The following SSPN variants were observed in gnomAD, a reference collection of about 807,000 sequenced individuals.
SSPN encodes the protein sarcospan, also known as K-ras oncogene-associated protein.
SSPN carries 15 observed loss-of-function variants against 19.1 expected under a neutral mutation model. The ratio of observed to expected loss-of-function variants is 0.78; its 90% CI spans 0.52 to 1.21. The LOEUF (loss-of-function observed/expected upper bound fraction) is 1.21, where lower values mean the gene tolerates loss of function less well. SSPN is among the 50% of genes most tolerant of loss of function. SSPN has a pLI of 0.00. For missense variants in SSPN, 291 were observed against 314.0 expected, an observed-to-expected ratio of 0.93 and a Z score of 0.55; for synonymous variants, 147 against 140.3, an observed-to-expected ratio of 1.05 and a Z score of -0.34.
intron 2 of SSPN, among the ~76,000 whole-genome samples, chr12:26,228,703 TC>T (rs1157064409): frequency 2.0e-5 from 3 of 152,114 alleles, no homozygotes; most frequent in Non-Finnish European, 2.9e-5. Context: ...TTAATTTGGC[TC>T]TTGGCACCAA....
intron 1 of SSPN, among the ~76,000 whole-genome samples, chr12:26,203,488 A>G (rs951832181): frequency 2.0e-5 from 3 of 152,178 alleles, no homozygotes; most frequent in Non-Finnish European, 4.4e-5. Flanking sequence ...AGCATAAGCT[A>G]TATAAAAACC....
Position 26,232,897 on chromosome 12 carries a change from A to C in SSPN, c.*1821A>C, listed in dbSNP as rs1945248329. 1 of 158,308 alleles carries C rather than the reference A, an allele frequency of 6.3e-6. No individual in the cohort carries two copies. Among genetic ancestry groups the C allele is most frequent in the South Asian group, 2.1e-4 (1 of 4,824 alleles). The allele number at this position is 158,308 out of a possible 1,614,324, so 9.8% of individuals were successfully genotyped here. A position where few individuals can be genotyped will look rare whatever the true frequency, so the allele number is the denominator to read the frequency against. On this transcript the variant is annotated 3_prime_UTR_variant, in exon 3 of 3. Coordinates refer to ENST00000242729, the MANE Select transcript of SSPN (RefSeq NM_005086.5). The stretch of plus-strand genomic sequence containing the variant: ...AAGTTACACCAACAGAATACCAAGC[A>C]GAATGATGAGGACCTGTAAAATACC...
intron 1 of SSPN, among the ~76,000 whole-genome samples, chr12:26,140,554 G>A (rs1191644021): frequency 6.6e-6 from 1 of 152,194 alleles, no homozygotes; most frequent in Non-Finnish European, 1.5e-5. Context: ...TGGAAAAGGG[G>A]CCGCGGGGGA....
At chr12:26,200,614 G>A (rs539985080) in intron 1 of SSPN, among the ~76,000 whole-genome samples, 5 of 152,230 alleles carry the variant, frequency 3.3e-5, no homozygotes, top group Non-Finnish European at 5.9e-5. Context: ...AAGAGAGAAA[G>A]GTTTGGCATT....
intron 1 of SSPN, among the ~76,000 whole-genome samples, chr12:26,167,657 ACTCT>A (rs764204661): frequency 2.0e-5 from 3 of 151,584 alleles, no homozygotes; most frequent in Non-Finnish European, 2.9e-5. Context: ...GTAGACCGCA[ACTCT>A]CTCTCTCTCT....
At chr12:26,125,118 GGGGCGGGGGAGGAGGGGCCGGGCC>G in intron 1 of SSPN, 1 of 432,524 alleles carries the variant, frequency 2.3e-6, no homozygotes, top group African/African-American at 2.0e-5. Context: ...AGCCCGGAGG[GGGGCGGGGGAGGAGGGGCCGGGCC>G]GGGCGGGGGC....
chr12:26,206,401 C>G (rs894526594), intron 1 of SSPN, among the ~76,000 whole-genome samples: 3 of 152,188 alleles, frequency 2.0e-5, no homozygotes, highest in Non-Finnish European at 4.4e-5. Context: ...CATTTACAAT[C>G]CCATTCCAAT....
Position 26,122,200 on chromosome 12 carries a change from CCACCTCGTGCGG to C in SSPN, c.-31+51_-31+62del, listed in dbSNP as rs1944312976. 7.2e-6 allele frequency: 10 copies of C among 1,395,066 alleles called. No individual in the cohort carries two copies. In the South Asian group the frequency reaches 1.7e-4, roughly 23 times the overall value. The allele number at this position is 1,395,066 out of a possible 1,614,324, so 86.4% of individuals were successfully genotyped here. ...TGGGGGTGCGGCGCCCCAAGGGGCG[CCACCTCGTGCGG>C]CAGGAGGGTCGCGGCGGCGGCGCCC... On this transcript the variant is annotated intron_variant, in intron 1 of 2. Coordinates refer to the SSPN transcript ENST00000538142.
At chr12:26,122,035 C>T in exon 1 of SSPN, 1 of 1,548,574 alleles carries the variant, frequency 6.5e-7, no homozygotes, top group South Asian at 1.2e-5. Flanking sequence ...TCTCACTCTG[C>T]TTGAACCTCC....
rs1034704431 is a variant in SSPN, at chr12:26,231,254, T to C, written c.*178T>C. ...ATTTCTTCAGGTTTCTATTGTATTT[T>C]TTTTAACATTCTTGCAGAGAAAGCA... is the stretch of plus-strand genomic sequence containing the variant. On this transcript the variant is annotated 3_prime_UTR_variant, in exon 3 of 3. Coordinates refer to ENST00000242729, the MANE Select transcript of SSPN (RefSeq NM_005086.5). The C allele has an allele frequency of 9.8e-7, 1 of 1,018,560 alleles. No individual in the cohort carries two copies. 63.1% of individuals were successfully genotyped at this position (1,018,560 alleles called of 1,614,324 possible).
At chr12:26,135,764 A>G (rs1334166194) in intron 1 of SSPN, among the ~76,000 whole-genome samples, 3 of 152,198 alleles carry the variant, frequency 2.0e-5, no homozygotes, top group Non-Finnish European at 4.4e-5. Flanking sequence ...GGTGACCACA[A>G]GCCATCAGCA....
chr12:26,139,925 A>G (rs1249356073), intron 1 of SSPN, among the ~76,000 whole-genome samples: 1 of 152,196 alleles, frequency 6.6e-6, no homozygotes, highest in Non-Finnish European at 1.5e-5. Flanking sequence ...TATAAAAATG[A>G]ATAAGGCCTG....
Position 26,212,895 on chromosome 12 carries a change from T to C in SSPN, c.280-11398T>C, listed in dbSNP as rs2137483782. Among the ~76,000 whole-genome samples, 4 of 152,062 alleles carry C rather than the reference T, an allele frequency of 2.6e-5. No individual in the cohort carries two copies. In the Middle Eastern group the frequency reaches 0.014, roughly 517 times the overall value. ...AAGGTTATAATTAGTGCTCTGAGTT[T>C]TAACGCTGGTCCACTAATGTTAGTG... is the stretch of plus-strand genomic sequence containing the variant. On this transcript the variant is annotated intron_variant, in intron 1 of 2. Coordinates refer to ENST00000242729, the MANE Select transcript of SSPN (RefSeq NM_005086.5).
upstream of SSPN, among the ~76,000 whole-genome samples, chr12:26,193,196 A>G (rs77358919): frequency 2.5e-3 from 374 of 152,372 alleles, 4 homozygotes; most frequent in African/African-American, 8.7e-3. Context: ...ATCACAATTT[A>G]AACAGTCTAG....
At chr12:26,197,737 A>G (rs1376167111) in intron 1 of SSPN, among the ~76,000 whole-genome samples, 1 of 152,226 alleles carries the variant, frequency 6.6e-6, no homozygotes, top group Non-Finnish European at 1.5e-5. Context: ...CACAAAGGGC[A>G]TTATATACAG....
At chr12:26,168,083 C>T (rs1944631879) in intron 1 of SSPN, among the ~76,000 whole-genome samples, 1 of 151,532 alleles carries the variant, frequency 6.6e-6, no homozygotes, top group Admixed American at 6.6e-5. Context: ...TGTGATGGCG[C>T]AGGCTTGCAG....
At chr12:26,176,939 C>T (rs1336462611) in intron 1 of SSPN, among the ~76,000 whole-genome samples, 1 of 152,228 alleles carries the variant, frequency 6.6e-6, no homozygotes, top group African/African-American at 2.4e-5. Flanking sequence ...AATCCAAACA[C>T]ATTACTTTCC....
chr12:26,220,931 T>TGAA (rs1945114356), intron 1 of SSPN, among the ~76,000 whole-genome samples: 1 of 152,170 alleles, frequency 6.6e-6, no homozygotes, highest in South Asian at 2.1e-4. Context: ...ATTTCTCAGG[T>TGAA]GAAGAATGGC....
intron 1 of SSPN, chr12:26,122,412 T>C: frequency 7.6e-7 from 1 of 1,316,474 alleles, no homozygotes; most frequent in Non-Finnish European, 9.8e-7. Flanking sequence ...GCCGCTCTTG[T>C]CCAGGAAGGG....
Sources: gnomAD v4.1 joint callset for allele counts (sites outside exome capture counted in the v4.1 genomes callset) on GRCh38, gnomAD v4.1.1 for gene constraint, MANE v1.5 for transcripts, NCBI Gene and HGNC (gene_info 2026-07-23, HGNC 2026-07-21) for gene names.